ADGRE3: variants seen among roughly 807,000 people sequenced by gnomAD.
ADGRE3 encodes the protein EGF-like module receptor 3.
ADGRE3 carries 88 observed loss-of-function variants against 80.1 expected under a neutral mutation model. The observed-to-expected ratio is 1.10, with a 90% CI of 0.93 to 1.31. ADGRE3 has a LOEUF of 1.31. ADGRE3 is among the 40% of genes most tolerant of loss of function. The pLI is 0.00. For missense variants in ADGRE3, 715 were observed against 776.5 expected (o/e 0.92, Z 0.94); for synonymous variants, 281 against 294.8 (o/e 0.95, Z 0.48).
chr19:14,626,017 A>G (rs947773682), intron 14 of ADGRE3, among the ~76,000 whole-genome samples: 4 of 152,158 alleles, frequency 2.6e-5, no homozygotes, highest in African/African-American at 9.7e-5. Context: ...GATGTTGGTG[A>G]TGGTTGCACC....
chr19:14,625,453 G>T, intron 15 of ADGRE3, 39 bp downstream of exon 15: 1 of 1,256,044 alleles, frequency 8.0e-7, no homozygotes, highest in Non-Finnish European at 1.2e-6. Context: ...CAAGAGAGGA[G>T]TATGTAAAAC....
intron 15 of ADGRE3, among the ~76,000 whole-genome samples, chr19:14,620,416 T>A (rs1040224099): frequency 8.4e-6 from 1 of 118,642 alleles, no homozygotes; most frequent in African/African-American, 3.4e-5. Context: ...ATATGTATAT[T>A]CATGTATATA....
intron 2 of ADGRE3, among the ~76,000 whole-genome samples, chr19:14,666,837 T>C (rs1361978595): frequency 1.3e-5 from 2 of 152,188 alleles, no homozygotes; most frequent in African/African-American, 2.4e-5. Flanking sequence ...TTCTGCTTAG[T>C]TCAGAGTGAG....
intron 2 of ADGRE3, among the ~76,000 whole-genome samples, chr19:14,668,292 C>A (rs1972157137): frequency 6.6e-6 from 1 of 152,000 alleles, no homozygotes; most frequent in Non-Finnish European, 1.5e-5. Flanking sequence ...TCAGGTTCCA[C>A]CCTAGACCTG....
chr19:14,620,397 T>TATGAATATATATGTATATTCATGTATAC (rs1970509155), intron 15 of ADGRE3, among the ~76,000 whole-genome samples: 1 of 121,422 alleles, frequency 8.2e-6, no homozygotes, highest in Non-Finnish European at 1.8e-5. Context: ...TACATGTATA[T>TATGAATATATATGTATATTCATGTATAC]ATGAATATAT....
chr19:14,624,756 TAAAAA>T (rs796369865), intron 15 of ADGRE3, among the ~76,000 whole-genome samples: 1 of 132,210 alleles, frequency 7.6e-6, no homozygotes, highest in Non-Finnish European at 1.6e-5. Flanking sequence ...CCCTGTCTCT[TAAAAA>T]AAAAAAAAAA....
intron 2 of ADGRE3, among the ~76,000 whole-genome samples, chr19:14,665,661 A>G (rs1391252537): frequency 1.3e-5 from 2 of 151,324 alleles, no homozygotes; most frequent in Non-Finnish European, 2.9e-5. Flanking sequence ...AGCTAATTAA[A>G]AAAATTTTTT....
intron 11 of ADGRE3, among the ~76,000 whole-genome samples, chr19:14,636,268 G>T (rs866820248): frequency 4.4e-5 from 6 of 137,408 alleles, no homozygotes; most frequent in Middle Eastern, 3.6e-3. Context: ...CGTTTAGGTT[G>T]GGGTGCGTTG....
chr19:14,648,814 A>T (rs369322547), intron 7 of ADGRE3, among the ~76,000 whole-genome samples: 114 of 152,128 alleles, frequency 7.5e-4, no homozygotes, highest in African/African-American at 2.7e-3. Flanking sequence ...TATCAGTTCT[A>T]CCTTGTGTCT....
Position 14,662,114 on chromosome 19 carries a change from A to C in ADGRE3, c.204T>G (p.Ile68Met), listed in dbSNP as rs754180464. 1.9e-6 allele frequency: 3 copies of C among 1,613,868 alleles called. No homozygotes were observed. The highest frequency in any genetic ancestry group is 2.5e-6 in the Non-Finnish European group (3 of 1,179,878). The change falls in exon 4 of 16, where the codon ATT (isoleucine) becomes ATG (methionine). Residue 68 changes from isoleucine (I) to methionine (M), a missense_variant. Ile to Met is a conservative substitution (Grantham distance 10). Transcript: ENST00000253673. ...FTFPLETCND[I>M]NECTPPYSVY... ...CACTATAGGGTGGTGTACATTCATT[A>C]ATGTCTGGAACACAAAGAAGCAATT... is the stretch of plus-strand genomic sequence containing the variant.
At chr19:14,667,521 T>C (rs537802793) in intron 2 of ADGRE3, among the ~76,000 whole-genome samples, 1 of 152,242 alleles carries the variant, frequency 6.6e-6, no homozygotes, top group African/African-American at 2.4e-5. Flanking sequence ...TAAAAAATGA[T>C]GAGTTCATGT....
chr19:14,661,854 C>T (rs905505869), intron 4 of ADGRE3, 109 bp downstream of exon 4: 1 of 1,245,898 alleles, frequency 8.0e-7, no homozygotes. Flanking sequence ...CACTGCACTC[C>T]AGCCTGGGCT....
rs186586971 is a variant in ADGRE3 at position 14,656,006 on chromosome 19, A to G, written c.394-841T>C. Among the ~76,000 whole-genome samples the G allele has an allele frequency of 6.2e-4, 94 of 152,162 alleles. 1 individual carries two copies. The highest frequency in any genetic ancestry group is 2.2e-3 in the African/African-American group (92 of 41,548). On this transcript the variant is annotated intron_variant, in intron 5 of 15. Coordinates refer to ENST00000253673, the MANE Select transcript of ADGRE3 (RefSeq NM_032571.5). ...TTGCGCCAAGATGAAGGACATGGAC[A>G]CACACGAGGAGTGAGTTTAGGAGTG... is the stretch of plus-strand genomic sequence containing the variant.
chr19:14,630,014 A>C (rs374419706), intron 14 of ADGRE3, 25 bp downstream of exon 14: 2 of 1,492,150 alleles, frequency 1.3e-6, no homozygotes, highest in East Asian at 2.3e-5. Context: ...AAGTTTAAAT[A>C]ACAAAGAAAG....
At chr19:14,633,810 T>C (rs1307045928) in intron 11 of ADGRE3, among the ~76,000 whole-genome samples, 1 of 139,890 alleles carries the variant, frequency 7.1e-6, no homozygotes. Context: ...AGGGTCTTGC[T>C]CTGTTGCCCA....
At chr19:14,650,935 C>CTT (rs79148054) in intron 7 of ADGRE3, 150 bp downstream of exon 7, 754 of 718,720 alleles carry the variant, frequency 1.0e-3, no homozygotes, top group Non-Finnish European at 1.2e-3. Context: ...GGGAAAATGT[C>CTT]TTTTTTTTTT....
At chr19:14,656,201 C>T (rs377330069) in intron 5 of ADGRE3, among the ~76,000 whole-genome samples, 134 of 151,458 alleles carry the variant, frequency 8.8e-4, no homozygotes, top group African/African-American at 2.7e-3. Flanking sequence ...CAAAATTAGC[C>T]GGGCATGGTG....
chr19:14,671,615 G>A (rs1972259236), intron 1 of ADGRE3, among the ~76,000 whole-genome samples: 1 of 152,048 alleles, frequency 6.6e-6, no homozygotes, highest in South Asian at 2.1e-4. Flanking sequence ...TCTCTGGGGG[G>A]ACTGTTATTT....
chr19:14,654,436 A>T (rs1437456548), intron 6 of ADGRE3, among the ~76,000 whole-genome samples: 2 of 149,246 alleles, frequency 1.3e-5, no homozygotes, highest in Non-Finnish European at 3.0e-5. Context: ...CAAATTTTAA[A>T]TTTTTTTTAA....
Sources: gnomAD v4.1 joint callset for allele counts (sites outside exome capture counted in the v4.1 genomes callset) on GRCh38, gnomAD v4.1.1 for gene constraint, MANE v1.5 for transcripts, NCBI Gene and HGNC (gene_info 2026-07-23, HGNC 2026-07-21) for gene names.